Variants in FOXR1 observed in about 807,000 individuals in gnomAD.
The protein encoded by FOXR1 is forkhead box R1.
A neutral mutation model predicts 34.5 loss-of-function variants in FOXR1; 25 were observed. That is an observed-to-expected ratio of 0.72 (90% CI 0.53 to 1.01). The LOEUF is 1.01. FOXR1 is among the 50% of genes least tolerant of loss of function. The pLI is 0.00. For synonymous variants in FOXR1, 153 were observed against 141.6 expected (o/e 1.08, Z -0.57); for missense variants, 373 against 376.2 (o/e 0.99, Z 0.07).
At chr11:118,975,590 C>A (rs1941770610) in intron 1 of FOXR1, among the ~76,000 whole-genome samples, 1 of 151,918 alleles carries the variant, frequency 6.6e-6, no homozygotes, top group South Asian at 2.1e-4. Flanking sequence ...GCTGAGATTA[C>A]AAGCATGAGC....
At chr11:118,974,082 G>A (rs1385912165) in intron 1 of FOXR1, among the ~76,000 whole-genome samples, 1 of 152,184 alleles carries the variant, frequency 6.6e-6, no homozygotes, top group Non-Finnish European at 1.5e-5. Context: ...GAGGGGTGGA[G>A]TGAGCCCAGA....
chr11:118,978,900 A>T (rs1659946427), intron 2 of FOXR1, 44 bp downstream of exon 2: 1 of 1,614,040 alleles, frequency 6.2e-7, no homozygotes, highest in Non-Finnish European at 8.5e-7. Flanking sequence ...CCTGGGCTGG[A>T]GACCAGGGGC....
At chr11:118,979,799 C>G in intron 4 of FOXR1, 131 bp downstream of exon 4, 2 of 755,916 alleles carry the variant, frequency 2.6e-6, no homozygotes, top group South Asian at 2.1e-5. Context: ...CAAGTATGTT[C>G]CCAGTTCCCT....
intron 1 of FOXR1, among the ~76,000 whole-genome samples, chr11:118,977,661 G>A (rs532895782): frequency 3.3e-5 from 5 of 152,170 alleles, no homozygotes; most frequent in African/African-American, 4.8e-5. Context: ...TGAGCTCTCC[G>A]ATAAGTATAT....
Position 118,972,130 on chromosome 11 carries a change from C to CG in FOXR1, c.61+138_61+139insG, listed in dbSNP as rs1555180673. The stretch of plus-strand genomic sequence containing the variant: ...GGCTTGGGGGGCCGAGCGCCCCGCG[C>CG]CCCCCCCCCCCGACGGCTTAGCTCC... On this transcript the variant is annotated intron_variant, in intron 1 of 5. Coordinates refer to ENST00000317011, the MANE Select transcript of FOXR1 (RefSeq NM_181721.3). 24 of 247,794 alleles carry CG rather than the reference C, an allele frequency of 9.7e-5. 2 individuals are homozygous for CG. Among genetic ancestry groups the CG allele is most frequent in the Admixed American group, 9.0e-4 (10 of 11,130 alleles). 15.3% of individuals were successfully genotyped at this position (247,794 alleles called of 1,614,324 possible). A position where few individuals can be genotyped will look rare whatever the true frequency, so the allele number is the denominator to read the frequency against.
chr11:118,975,645 C>T (rs1790186), intron 1 of FOXR1, among the ~76,000 whole-genome samples: 8,473 of 152,090 alleles, frequency 0.056, 540 homozygotes, highest in East Asian at 0.28. Flanking sequence ...AGCATGTTTG[C>T]ATGCTGATGA....
At chr11:118,977,179 C>A (rs780140294) in intron 1 of FOXR1, among the ~76,000 whole-genome samples, 2 of 152,016 alleles carry the variant, frequency 1.3e-5, no homozygotes, top group Non-Finnish European at 2.9e-5. Flanking sequence ...TACAGGTACA[C>A]ACCACCAAGC....
rs532563679 is a variant in FOXR1, at chr11:118,971,787, C to T, written c.-145C>T. 3.8e-6 allele frequency: 3 copies of T among 798,380 alleles called. No individual in the cohort carries two copies. In the African/African-American group the frequency reaches 5.1e-5, roughly 14 times the overall value. The allele number at this position is 798,380 out of a possible 1,614,324, so 49.5% of individuals were successfully genotyped here. A position where few individuals can be genotyped will look rare whatever the true frequency, so the allele number is the denominator to read the frequency against. On this transcript the variant is annotated 5_prime_UTR_variant, in exon 1 of 6. Transcript: ENST00000317011. ...CATTTGAGAAGGCGCCTGTGAGGGT[C>T]GCTCCTCAGCCGCCGCGCTCCCACT...
Position 118,979,530 on chromosome 11 carries a change from G to A in FOXR1, c.473G>A (p.Arg158Gln), listed in dbSNP as rs200169481. ...CACAAAAGGGCCCCCCTCCAGAGTCGGAGGCTTCGGCAAGCCAGCAGCCAG... is the reference window on the plus strand; with the variant it reads ...CACAAAAGGGCCCCCCTCCAGAGTCAGAGGCTTCGGCAAGCCAGCAGCCAG... ...SPHKRAPLQSRRLRQASSQAG... is the reference protein window; with the variant it reads ...SPHKRAPLQSQRLRQASSQAG... Residue 158 changes from arginine (R) to glutamine (Q), a missense_variant, in exon 4 of 6, where the codon CGG becomes CAG. Arg to Gln is a conservative substitution (Grantham distance 43). Coordinates refer to ENST00000317011, the MANE Select transcript of FOXR1 (RefSeq NM_181721.3). 26 of 1,613,470 alleles carry A rather than the reference G, an allele frequency of 1.6e-5. No individual in the cohort carries two copies. The highest frequency in any genetic ancestry group is 1.6e-4 in the Middle Eastern group (1 of 6,082).
intron 1 of FOXR1, among the ~76,000 whole-genome samples, chr11:118,974,416 G>C (rs1184527343): frequency 2.0e-5 from 3 of 152,144 alleles, no homozygotes; most frequent in African/African-American, 7.2e-5. Flanking sequence ...TGTTGCCCAG[G>C]CTGGTCTTGA....
At position 118,978,712 on chromosome 11, in the gene FOXR1, G is replaced by T. The variant is rs1420240883; in HGVS notation, c.62-70G>T. ...AACCTTCTCCCAGAGAAGCCTTAAGGCCTAGGATCCTAGGGTCACAAAGGG... is the reference window on the plus strand; with the variant it reads ...AACCTTCTCCCAGAGAAGCCTTAAGTCCTAGGATCCTAGGGTCACAAAGGG... On this transcript the variant is annotated intron_variant, in intron 1 of 5. Transcript: ENST00000317011. The T allele has an allele frequency of 6.5e-6, 10 of 1,536,672 alleles. No homozygotes were observed. In the East Asian group the frequency reaches 2.0e-4, roughly 31 times the overall value.
chr11:118,980,458 T>C, intron 4 of FOXR1, 32 bp from the exon 5 acceptor site: 3 of 1,609,198 alleles, frequency 1.9e-6, no homozygotes, highest in Middle Eastern at 1.7e-4. Context: ...AGACATAACA[T>C]GCCTTTCCTT....
chr11:118,980,034 C>T (rs1268909771), intron 4 of FOXR1, among the ~76,000 whole-genome samples: 1 of 152,130 alleles, frequency 6.6e-6, no homozygotes, highest in Admixed American at 6.5e-5. Context: ...GACTGCCTGG[C>T]ACAGCTCCCT....
At position 118,971,861 on chromosome 11, in the gene FOXR1, A is replaced by T; in HGVS notation, c.-71A>T. On this transcript the variant is annotated 5_prime_UTR_variant, in exon 1 of 6. Coordinates refer to ENST00000317011, the MANE Select transcript of FOXR1 (RefSeq NM_181721.3). ...GCGCCTCTGCCAGCCCCGAAGGTGG[A>T]CGTGAAGCTCCAACACCTCGACTTC... The T allele has an allele frequency of 1.3e-6, 2 of 1,502,656 alleles. No homozygotes were observed. The highest frequency in any genetic ancestry group is 1.8e-6 in the Non-Finnish European group (2 of 1,104,374). The allele number at this position is 1,502,656 out of a possible 1,614,324, so 93.1% of individuals were successfully genotyped here.
chr11:118,972,139 C>CA, intron 1 of FOXR1, 147 bp downstream of exon 1: 6 of 705,224 alleles, frequency 8.5e-6, no homozygotes, highest in South Asian at 5.8e-5. Flanking sequence ...GCCCCCCCCC[C>CA]CCGACGGCTT....
intron 1 of FOXR1, 144 bp downstream of exon 1, chr11:118,972,136 C>CCCG (rs1555180681): frequency 7.3e-6 from 4 of 548,546 alleles, no homozygotes; most frequent in Non-Finnish European, 1.2e-5. Flanking sequence ...CGCGCCCCCC[C>CCCG]CCCCCGACGG....
At chr11:118,972,024 G>C in intron 1 of FOXR1, 32 bp downstream of exon 1, 2 of 1,413,304 alleles carry the variant, frequency 1.4e-6, no homozygotes, top group African/African-American at 5.7e-5. Context: ...GTGGGGGGCT[G>C]GGCGTGGCGG....
chr11:118,972,841 C>T (rs1024787762), intron 1 of FOXR1, among the ~76,000 whole-genome samples: 1 of 152,020 alleles, frequency 6.6e-6, no homozygotes, highest in African/African-American at 2.4e-5. Context: ...CCATGTCGGC[C>T]TCCCAAAAGT....
intron 4 of FOXR1, 96 bp from the exon 5 acceptor site, chr11:118,980,394 G>C (rs1941840009): frequency 1.4e-6 from 2 of 1,389,176 alleles, no homozygotes; most frequent in African/African-American, 2.8e-5. Flanking sequence ...CTGGAGAGAA[G>C]GGCTAAAGCC....
Sources: allele counts gnomAD v4.1 joint callset (sites outside exome capture counted in the v4.1 genomes callset), GRCh38; gene constraint gnomAD v4.1.1; transcripts MANE v1.5; gene names NCBI Gene and HGNC (gene_info 2026-07-23, HGNC 2026-07-21).